The following ADAM22 variants were observed in gnomAD, a reference collection of about 807,000 sequenced individuals.
ADAM22 encodes ADAM metallopeptidase domain 22, also known as disintegrin and metalloproteinase domain-containing protein 22.
A neutral mutation model predicts 144.6 loss-of-function variants in ADAM22; 65 were observed. That is an observed-to-expected ratio of 0.45 (90% CI 0.37 to 0.55). The LOEUF is 0.55. ADAM22 is among the 20% of genes least tolerant of loss of function. The pLI is 0.00. For synonymous variants in ADAM22, 391 were observed against 412.6 expected, an observed-to-expected ratio of 0.95 and a Z score of 0.63; for missense variants, 974 against 1,184.9, an observed-to-expected ratio of 0.82 and a Z score of 2.61.
chr7:88,081,132 C>A (rs539937931), intron 4 of ADAM22, among the ~76,000 whole-genome samples: 2 of 152,156 alleles, frequency 1.3e-5, no homozygotes, highest in Non-Finnish European at 2.9e-5. Flanking sequence ...CATCAAAAAA[C>A]TTATCCACCG....
rs1270429391 is a variant in ADAM22 at position 87,934,331 on chromosome 7, G to A, written c.-135G>A. ...GCCGCGGTGGAGGTTGCAGCGCCAC[G>A]GCCGCCGCAGCACCGGCCGGGGCTG... On this transcript the variant is annotated 5_prime_UTR_variant, in exon 1 of 32. Coordinates refer to ENST00000413139, the MANE Select transcript of ADAM22 (RefSeq NM_001324418.2). The A allele has an allele frequency of 2.7e-6, 2 of 727,712 alleles. No homozygotes were observed. Among genetic ancestry groups the A allele is most frequent in the Admixed American group, 3.5e-5 (1 of 28,710 alleles). 45.1% of individuals were successfully genotyped at this position (727,712 alleles called of 1,614,324 possible). A position where few individuals can be genotyped will look rare whatever the true frequency, so the allele number is the denominator to read the frequency against.
chr7:88,179,504 A>G (rs1313354443), intron 27 of ADAM22, among the ~76,000 whole-genome samples: 1 of 152,070 alleles, frequency 6.6e-6, no homozygotes, highest in African/African-American at 2.4e-5. Flanking sequence ...TAAGCTCGCT[A>G]TGAAACAAAG....
At chr7:88,142,274 A>G (rs1031103544) in intron 14 of ADAM22, among the ~76,000 whole-genome samples, 2 of 152,192 alleles carry the variant, frequency 1.3e-5, no homozygotes, top group Admixed American at 1.3e-4. Context: ...ATTTGTAGCA[A>G]AAGGAATCAC....
chr7:88,161,270 C>G (rs1841570606), intron 22 of ADAM22, among the ~76,000 whole-genome samples: 1 of 150,164 alleles, frequency 6.7e-6, no homozygotes, highest in Non-Finnish European at 1.5e-5. Flanking sequence ...TAGCCATATG[C>G]AGAAGATTGA....
At chr7:88,017,555 A>C (rs1352489206) in intron 3 of ADAM22, among the ~76,000 whole-genome samples, 3 of 152,132 alleles carry the variant, frequency 2.0e-5, no homozygotes, top group African/African-American at 7.2e-5. Context: ...GTTTTCACCT[A>C]GGGCTGGCAC....
chr7:88,075,779 TA>T (rs1814262687), intron 4 of ADAM22, 87 bp downstream of exon 4: 2 of 1,030,942 alleles, frequency 1.9e-6, no homozygotes, highest in African/African-American at 3.3e-5. Flanking sequence ...ATGATATTTC[TA>T]ATGTACAGTT....
At chr7:88,044,270 A>G (rs1244447853) in intron 3 of ADAM22, among the ~76,000 whole-genome samples, 5 of 152,202 alleles carry the variant, frequency 3.3e-5, no homozygotes, top group African/African-American at 1.2e-4. Context: ...TGGATAATAG[A>G]TTCTGCATCA....
intron 7 of ADAM22, among the ~76,000 whole-genome samples, chr7:88,119,729 T>TC (rs1433210367): frequency 6.6e-6 from 1 of 152,210 alleles, no homozygotes; most frequent in African/African-American, 2.4e-5. Context: ...CCTCAAGTGA[T>TC]CCACCCGCCT....
At chr7:87,982,782 C>T (rs1416207734) in intron 3 of ADAM22, among the ~76,000 whole-genome samples, 2 of 146,958 alleles carry the variant, frequency 1.4e-5, no homozygotes, top group Non-Finnish European at 3.0e-5. Context: ...ACAATCTCTG[C>T]CTCCTGGGTT....
intron 3 of ADAM22, among the ~76,000 whole-genome samples, chr7:88,010,696 T>A (rs1200711498): frequency 6.6e-6 from 1 of 152,032 alleles, no homozygotes; most frequent in East Asian, 1.9e-4. Context: ...GTCTAGCAAG[T>A]GATAGAACAT....
chr7:87,975,755 C>T (rs954178467), intron 2 of ADAM22, among the ~76,000 whole-genome samples: 1 of 152,128 alleles, frequency 6.6e-6, no homozygotes, highest in Non-Finnish European at 1.5e-5. Context: ...AACACGTGGC[C>T]CTTGTGTTTT....
chr7:88,151,294 G>T lies in ADAM22; in HGVS notation c.1655G>T (p.Arg552Ile). 1.2e-6 allele frequency: 2 copies of T among 1,614,148 alleles called. No homozygotes were observed. Residue 552 changes from arginine to isoleucine, a missense_variant, in exon 20 of 32, where the codon AGA becomes ATA. Coordinates refer to ENST00000413139, the MANE Select transcript of ADAM22 (RefSeq NM_001324418.2). ...CFGGRCKTRD[R>I]QCKYIWGQKV... Reference sequence around the variant, plus strand: ...GGAGGAAGATGCAAAACCAGAGATAGACAATGCAAATACATTTGGGGGCAA... The same window carrying T: ...GGAGGAAGATGCAAAACCAGAGATATACAATGCAAATACATTTGGGGGCAA...
At chr7:88,079,813 T>C (rs545796635) in intron 4 of ADAM22, among the ~76,000 whole-genome samples, 1 of 152,294 alleles carries the variant, frequency 6.6e-6, no homozygotes, top group East Asian at 1.9e-4. Context: ...TAAATATATA[T>C]GCACTCAATA....
At chr7:88,043,353 C>G (rs376174916) in intron 3 of ADAM22, among the ~76,000 whole-genome samples, 3 of 151,818 alleles carry the variant, frequency 2.0e-5, no homozygotes, top group African/African-American at 7.3e-5. Flanking sequence ...GGCGTGGTGG[C>G]GGGCACCTGT....
chr7:88,191,078 C>T (rs1171949476), intron 30 of ADAM22, among the ~76,000 whole-genome samples: 1 of 152,238 alleles, frequency 6.6e-6, no homozygotes, highest in Non-Finnish European at 1.5e-5. Flanking sequence ...TTCTTCCCCT[C>T]AAGGTCCAAG....
chr7:88,055,849 C>T (rs7806297), intron 3 of ADAM22, among the ~76,000 whole-genome samples: 4,834 of 152,224 alleles, frequency 0.032, 256 homozygotes, highest in African/African-American at 0.11. Context: ...GTGTTCATCT[C>T]GACATCTTTT....
intron 20 of ADAM22, 40 bp from the exon 21 acceptor site, chr7:88,153,181 C>A: frequency 6.9e-7 from 1 of 1,444,968 alleles, no homozygotes; most frequent in South Asian, 1.2e-5. Flanking sequence ...GCAGCCAAAT[C>A]GTACTTCCCT....
At chr7:88,145,717 G>A (rs1836198137) in intron 17 of ADAM22, among the ~76,000 whole-genome samples, 1 of 152,164 alleles carries the variant, frequency 6.6e-6, no homozygotes, top group East Asian at 1.9e-4. Flanking sequence ...ACTAAGGCTT[G>A]TAGTGGTTAA....
chr7:87,964,868 A>G (rs1848699924), intron 2 of ADAM22, among the ~76,000 whole-genome samples: 1 of 152,182 alleles, frequency 6.6e-6, no homozygotes, highest in Non-Finnish European at 1.5e-5. Context: ...TTGGGGGCAG[A>G]TTTATGTCAT....
Sources: allele counts gnomAD v4.1 joint callset (sites outside exome capture counted in the v4.1 genomes callset), GRCh38; gene constraint gnomAD v4.1.1; transcripts MANE v1.5; gene names NCBI Gene and HGNC (gene_info 2026-07-23, HGNC 2026-07-21).